CUX1: variants seen among roughly 807,000 people sequenced by gnomAD.
The protein encoded by CUX1 is cut like homeobox 1, also known as protein CASP.
A neutral mutation model predicts 158.8 loss-of-function variants in CUX1; 31 were observed. The ratio of observed to expected loss-of-function variants is 0.20; its 90% confidence interval spans 0.15 to 0.26. The LOEUF is 0.26. Among genes scored for constraint, CUX1 ranks in the 10% least tolerant of loss-of-function variants. CUX1 has a pLI of 1.00. For synonymous variants in CUX1, 879 were observed against 862.1 expected (o/e 1.02, Z -0.34); for missense variants, 1,589 against 2,014.6 (o/e 0.79, Z 4.04).
intron 10 of CUX1, among the ~76,000 whole-genome samples, chr7:102,172,124 C>T (rs981809580): frequency 1.3e-5 from 2 of 151,840 alleles, no homozygotes; most frequent in Non-Finnish European, 2.9e-5. Flanking sequence ...CTTCTTCTGT[C>T]GCCCAGGCTG....
intron 1 of CUX1, among the ~76,000 whole-genome samples, chr7:101,878,056 C>G (rs1023482471): frequency 2.0e-5 from 3 of 152,096 alleles, no homozygotes; most frequent in African/African-American, 7.2e-5. Context: ...CAGTTTACAC[C>G]CCTTCCCTCC....
At chr7:102,003,349 T>A (rs1444361907) in intron 2 of CUX1, among the ~76,000 whole-genome samples, 1 of 126,068 alleles carries the variant, frequency 7.9e-6, no homozygotes, top group African/African-American at 3.1e-5. Context: ...CGCCCCCCGC[T>A]CCACTGTTCT....
intron 2 of CUX1, among the ~76,000 whole-genome samples, chr7:101,985,428 G>A (rs1563093835): frequency 6.6e-6 from 1 of 152,194 alleles, no homozygotes; most frequent in African/African-American, 2.4e-5. Flanking sequence ...TTCTGTCCAC[G>A]ATCATGGTGG....
chr7:102,059,444 GC>G (rs942869209), intron 3 of CUX1, among the ~76,000 whole-genome samples: 1 of 151,968 alleles, frequency 6.6e-6, no homozygotes, highest in African/African-American at 2.4e-5. Flanking sequence ...GACCAGCCTG[GC>G]CAACGTGGTG....
intron 8 of CUX1, among the ~76,000 whole-genome samples, chr7:102,142,506 G>A (rs1209494627): frequency 6.6e-6 from 1 of 152,160 alleles, no homozygotes; most frequent in East Asian, 1.9e-4. Context: ...ACACCTGTAA[G>A]CCCAGCTAGT....
intron 8 of CUX1, among the ~76,000 whole-genome samples, chr7:102,135,567 GTGTT>G (rs1331798365): frequency 2.9e-5 from 4 of 135,848 alleles, no homozygotes; most frequent in Non-Finnish European, 4.9e-5. Flanking sequence ...GTGTGTGTGT[GTGTT>G]TGTGTGTGTG....
chr7:102,262,395 C>CATGGATGG (rs55973199), downstream of CUX1, among the ~76,000 whole-genome samples: 1,689 of 143,284 alleles, frequency 0.012, 29 homozygotes, highest in African/African-American at 0.039. Flanking sequence ...AAGACTCCAT[C>CATGGATGG]ATGGATGGAT....
At position 102,192,817 on chromosome 7, in the gene CUX1, T is replaced by A. The variant is rs782590490; in HGVS notation, c.1077-1025T>A. ...ATCCTTGGTATTTCAAAGAAACACTTGCAGCTCCTTCAAAGCCACATAGCC... is the reference window on the plus strand; with the variant it reads ...ATCCTTGGTATTTCAAAGAAACACTAGCAGCTCCTTCAAAGCCACATAGCC... On this transcript the variant is annotated intron_variant, in intron 12 of 23. Transcript: ENST00000292535. 3.2e-4 allele frequency among the ~76,000 whole-genome samples: 48 copies of A among 152,198 alleles called. 1 individual carries two copies. The highest frequency in any genetic ancestry group is 4.7e-4 in the Non-Finnish European group (32 of 68,034).
intron 23 of CUX1, among the ~76,000 whole-genome samples, chr7:102,240,445 CAG>C (rs1320556488): frequency 1.3e-5 from 2 of 151,774 alleles, no homozygotes; most frequent in Non-Finnish European, 2.9e-5. Context: ...TTTATAGAGA[CAG>C]GGGTCTCGCT....
chr7:102,046,143 G>A (rs975729989), intron 3 of CUX1, among the ~76,000 whole-genome samples: 7 of 152,248 alleles, frequency 4.6e-5, no homozygotes, highest in African/African-American at 1.4e-4. Flanking sequence ...TTGCAGGTAA[G>A]GAAATTGAGG....
At chr7:102,215,685 G>C (rs1796980704) in intron 20 of CUX1, among the ~76,000 whole-genome samples, 1 of 152,118 alleles carries the variant, frequency 6.6e-6, no homozygotes, top group Admixed American at 6.5e-5. Context: ...ATCTCAACTT[G>C]GTTCTGCCCG....
chr7:101,850,441 T>TC (rs1178917487), intron 1 of CUX1, among the ~76,000 whole-genome samples: 2 of 117,904 alleles, frequency 1.7e-5, no homozygotes, highest in African/African-American at 6.7e-5. Flanking sequence ...TTTTTTTTTT[T>TC]GAGACAGGGT....
chr7:102,265,272 C>A (rs1248251072), intron 14 of CUX1, among the ~76,000 whole-genome samples: 2 of 150,698 alleles, frequency 1.3e-5, no homozygotes, highest in Non-Finnish European at 2.9e-5. Flanking sequence ...AGGAGAATTG[C>A]TTGAACCCCG....
chr7:101,930,073 C>T (rs1806116069), intron 2 of CUX1, among the ~76,000 whole-genome samples: 1 of 152,188 alleles, frequency 6.6e-6, no homozygotes, highest in African/African-American at 2.4e-5. Flanking sequence ...ATCTCTTCAC[C>T]TCAGGTGACT....
chr7:102,139,968 C>G (rs1554499777), intron 8 of CUX1, among the ~76,000 whole-genome samples: 3 of 152,114 alleles, frequency 2.0e-5, no homozygotes, highest in African/African-American at 7.2e-5. Flanking sequence ...TCTGCTCAGC[C>G]CAAAACAAAT....
intron 10 of CUX1, among the ~76,000 whole-genome samples, chr7:102,175,611 G>A (rs1219452807): frequency 9.9e-5 from 15 of 151,784 alleles, no homozygotes; most frequent in African/African-American, 2.2e-4. Flanking sequence ...GCCCTTCCCC[G>A]GCACCCACCC....
intron 3 of CUX1, among the ~76,000 whole-genome samples, chr7:102,062,385 C>T (rs777879273): frequency 2.0e-5 from 3 of 152,226 alleles, no homozygotes; most frequent in Non-Finnish European, 4.4e-5. Context: ...TTTCTCACCC[C>T]TTCCATATCT....
intron 8 of CUX1, among the ~76,000 whole-genome samples, chr7:102,137,898 C>T (rs1369993414): frequency 1.6e-4 from 25 of 152,082 alleles, no homozygotes; most frequent in Admixed American, 1.4e-3. Flanking sequence ...AAAAAAAAAT[C>T]TAGTTGGCCA....
intron 2 of CUX1, among the ~76,000 whole-genome samples, chr7:101,985,108 A>G (rs1208093100): frequency 2.0e-5 from 3 of 152,120 alleles, no homozygotes; most frequent in Admixed American, 1.3e-4. Context: ...TGATGGTTTA[A>G]ATTGATGTTT....
Sources: gnomAD v4.1 joint callset for allele counts (sites outside exome capture counted in the v4.1 genomes callset) on GRCh38, gnomAD v4.1.1 for gene constraint, MANE v1.5 for transcripts, NCBI Gene and HGNC (gene_info 2026-07-23, HGNC 2026-07-21) for gene names.